PARVA: variants seen among roughly 807,000 people sequenced by gnomAD.
The protein encoded by PARVA is parvin alpha, also known as alpha-parvin.
In PARVA, 25 loss-of-function variants were observed where a neutral mutation model predicts 52.6. The observed-to-expected ratio is 0.48, with a 90% CI of 0.35 to 0.66. The LOEUF is 0.66. Ranked by LOEUF, PARVA falls within the 30% of genes least tolerant of loss-of-function variation. The probability of loss-of-function intolerance (pLI) is 0.01; values close to 1 mark genes in which losing one functional copy is unlikely to be tolerated. For synonymous variants in PARVA, 185 were observed against 179.1 expected (o/e 1.03, Z -0.26); for missense variants, 373 against 450.9 (o/e 0.83, Z 1.56).
intron 1 of PARVA, among the ~76,000 whole-genome samples, chr11:12,419,148 A>C (rs1940111351): frequency 6.6e-6 from 1 of 152,188 alleles, no homozygotes; most frequent in African/African-American, 2.4e-5. Flanking sequence ...TATAACTTAA[A>C]TTCTTAACCA....
At chr11:12,388,151 C>T (rs879639196) in intron 1 of PARVA, among the ~76,000 whole-genome samples, 1 of 152,222 alleles carries the variant, frequency 6.6e-6, no homozygotes, top group South Asian at 2.1e-4. Flanking sequence ...AAAGACAGAA[C>T]TCACCAAGAG....
intron 3 of PARVA, among the ~76,000 whole-genome samples, chr11:12,475,070 C>T (rs552155401): frequency 2.6e-5 from 4 of 152,150 alleles, no homozygotes; most frequent in Non-Finnish European, 5.9e-5. Context: ...AGGTTGCAGT[C>T]GACTCCTAAG....
intron 1 of PARVA, among the ~76,000 whole-genome samples, chr11:12,415,458 C>A (rs573410463): frequency 6.6e-6 from 1 of 151,796 alleles, no homozygotes; most frequent in Non-Finnish European, 1.5e-5. Flanking sequence ...CTCCCCCACC[C>A]CAACATGTGC....
chr11:12,513,193 T>G, intron 8 of PARVA, 106 bp from the exon 9 acceptor site: 1 of 864,838 alleles, frequency 1.2e-6, no homozygotes. Context: ...TTCCCATCGG[T>G]AGTTGACCTT....
intron 1 of PARVA, among the ~76,000 whole-genome samples, chr11:12,398,839 C>G (rs754676841): frequency 5.3e-5 from 8 of 152,134 alleles, no homozygotes; most frequent in Non-Finnish European, 1.0e-4. Context: ...GCAAATAAGA[C>G]ATTGGAAGAT....
At chr11:12,409,267 T>C (rs1213937699) in intron 1 of PARVA, among the ~76,000 whole-genome samples, 1 of 152,234 alleles carries the variant, frequency 6.6e-6, no homozygotes, top group East Asian at 1.9e-4. Flanking sequence ...AAGAGGTAAT[T>C]ATTGTTTTCA....
intron 1 of PARVA, among the ~76,000 whole-genome samples, chr11:12,417,554 C>T (rs1214120277): frequency 6.6e-6 from 1 of 152,110 alleles, no homozygotes. Context: ...TTTCTGTCTG[C>T]ATTTTCTAAT....
chr11:12,431,280 G>C (rs1299961346), intron 1 of PARVA, among the ~76,000 whole-genome samples: 1 of 152,222 alleles, frequency 6.6e-6, no homozygotes, highest in African/African-American at 2.4e-5. Context: ...ACTGGATAGT[G>C]CCTGGATGTT....
Position 12,462,611 on chromosome 11 carries a change from C to T in PARVA, c.137-11134C>T, listed in dbSNP as rs142350211. On this transcript the variant is annotated intron_variant, in intron 1 of 12. Transcript: ENST00000334956. ...ATAATACATTTGTATTGTGTTATGC[C>T]GCAAAGTTTGTGATTTGCTACTACA... Among the ~76,000 whole-genome samples, 856 of 152,220 alleles carry T rather than the reference C, an allele frequency of 5.6e-3. 5 individuals carry two copies. The highest frequency in any genetic ancestry group is 9.4e-3 in the Non-Finnish European group (640 of 68,010).
At chr11:12,453,894 T>C (rs1564851057) in intron 1 of PARVA, among the ~76,000 whole-genome samples, 1 of 152,140 alleles carries the variant, frequency 6.6e-6, no homozygotes, top group Non-Finnish European at 1.5e-5. Flanking sequence ...GCCCTCTTGG[T>C]TCCCCTGAAG....
chr11:12,421,634 C>G (rs1486619395), intron 1 of PARVA, among the ~76,000 whole-genome samples: 1 of 152,160 alleles, frequency 6.6e-6, no homozygotes. Context: ...AGTGATGATA[C>G]CATGGGCTGT....
chr11:12,420,051 T>C (rs1362576262), intron 1 of PARVA, among the ~76,000 whole-genome samples: 1 of 152,218 alleles, frequency 6.6e-6, no homozygotes, highest in Non-Finnish European at 1.5e-5. Context: ...AATACATACG[T>C]AGCTAGTTCT....
At position 12,456,325 on chromosome 11, in the gene PARVA, C is replaced by T. The variant is rs147311944; in HGVS notation, c.137-17420C>T. Reference sequence around the variant, plus strand: ...TGTGAGCTAAGTATCATGATTCCCACTTTAGAGGGGGAACAAGTTAAGTAA... The same window carrying T: ...TGTGAGCTAAGTATCATGATTCCCATTTTAGAGGGGGAACAAGTTAAGTAA... On this transcript the variant is annotated intron_variant, in intron 1 of 12. Transcript: ENST00000334956. 4.0e-3 allele frequency among the ~76,000 whole-genome samples: 597 copies of T among 151,000 alleles called. 3 individuals carry two copies. The highest frequency in any genetic ancestry group is 0.013 in the African/African-American group (538 of 41,360).
chr11:12,465,352 G>A (rs887346339), intron 1 of PARVA, among the ~76,000 whole-genome samples: 8 of 152,022 alleles, frequency 5.3e-5, no homozygotes, highest in African/African-American at 1.7e-4. Flanking sequence ...CTGCAACCTG[G>A]GACATCTTAG....
At position 12,533,284 on chromosome 11, in the gene PARVA, C is replaced by G. The variant is rs1391076700; in HGVS notation, c.*5359C>G. 6.6e-6 allele frequency among the ~76,000 whole-genome samples: 1 copy of G among 152,224 alleles called. No individual in the cohort carries two copies. Among genetic ancestry groups the G allele is most frequent in the Non-Finnish European group, 1.5e-5 (1 of 68,040 alleles). On this transcript the variant is annotated 3_prime_UTR_variant, in exon 13 of 13. Coordinates refer to ENST00000334956, the MANE Select transcript of PARVA (RefSeq NM_018222.5). ...CATGGAGACCAGTGCTTCCAGCCCT[C>G]TCACCTCGGAGGAGGACTCCTGTTT... is the stretch of plus-strand genomic sequence containing the variant.
chr11:12,484,169 T>C (rs1214951974), intron 4 of PARVA, among the ~76,000 whole-genome samples: 1 of 152,208 alleles, frequency 6.6e-6, no homozygotes, highest in East Asian at 1.9e-4. Context: ...GAGTGAGAGA[T>C]GGGATAAGCG....
chr11:12,435,311 CT>C (rs1478107167), intron 1 of PARVA, among the ~76,000 whole-genome samples: 1 of 152,186 alleles, frequency 6.6e-6, no homozygotes, highest in Non-Finnish European at 1.5e-5. Flanking sequence ...AGTTCCCATC[CT>C]TTTCCCCTTC....
chr11:12,475,626 C>T (rs2403627), intron 3 of PARVA, among the ~76,000 whole-genome samples: 49,038 of 152,040 alleles, frequency 0.32, 8,081 homozygotes, highest in East Asian at 0.39. Flanking sequence ...AGGGTTGGGC[C>T]ATCTCACTAG....
chr11:12,495,243 G>A (rs984537232), intron 4 of PARVA, among the ~76,000 whole-genome samples: 5 of 152,176 alleles, frequency 3.3e-5, no homozygotes, highest in Non-Finnish European at 7.3e-5. Flanking sequence ...GCTTGAGATT[G>A]TCCTACTGAG....
Sources: allele counts gnomAD v4.1 joint callset (sites outside exome capture counted in the v4.1 genomes callset), GRCh38; gene constraint gnomAD v4.1.1; transcripts MANE v1.5; gene names NCBI Gene and HGNC (gene_info 2026-07-23, HGNC 2026-07-21).